EGFLAM: variants seen among roughly 807,000 people sequenced by gnomAD.
EGFLAM encodes the protein pikachurin.
In EGFLAM, 79 loss-of-function variants were observed where a neutral mutation model predicts 113.1. The observed-to-expected ratio is 0.70, with a 90% CI of 0.58 to 0.84. EGFLAM has a LOEUF of 0.84. EGFLAM is among the 40% of genes least tolerant of loss of function. EGFLAM has a pLI of 0.00. For missense variants in EGFLAM, 1,265 were observed against 1,291.6 expected (o/e 0.98, Z 0.32); for synonymous variants, 504 against 487.6 (o/e 1.03, Z -0.44).
At chr5:38,337,368 T>C (rs777937810) in intron 1 of EGFLAM, 152 bp from the exon 2 acceptor site, 20 of 703,990 alleles carry the variant, frequency 2.8e-5, no homozygotes, top group Non-Finnish European at 4.1e-5. Context: ...TCAGCTGAGA[T>C]AGGTGTGGTG....
At chr5:38,298,741 C>T (rs955539518) in intron 1 of EGFLAM, among the ~76,000 whole-genome samples, 2 of 152,024 alleles carry the variant, frequency 1.3e-5, no homozygotes, top group African/African-American at 2.4e-5. Flanking sequence ...CACTCTATCA[C>T]CCAGGCTGGA....
At chr5:38,274,422 T>C (rs73073420) in intron 1 of EGFLAM, among the ~76,000 whole-genome samples, 6,734 of 152,126 alleles carry the variant, frequency 0.044, 479 homozygotes, top group African/African-American at 0.15. Context: ...CTGTCAAAGA[T>C]CAAAGACAAA....
At chr5:38,363,232 T>G (rs898731981) in intron 5 of EGFLAM, among the ~76,000 whole-genome samples, 1 of 152,154 alleles carries the variant, frequency 6.6e-6, no homozygotes, top group African/African-American at 2.4e-5. Flanking sequence ...GAGGCTCTTC[T>G]GAGCATGAGG....
chr5:38,360,761 G>A (rs1050057802), intron 5 of EGFLAM, among the ~76,000 whole-genome samples: 1 of 152,094 alleles, frequency 6.6e-6, no homozygotes, highest in Non-Finnish European at 1.5e-5. Flanking sequence ...CTTACTCGAT[G>A]GGTCTTTTCT....
chr5:38,430,724 A>G (rs998372752), intron 14 of EGFLAM, among the ~76,000 whole-genome samples: 2 of 152,198 alleles, frequency 1.3e-5, no homozygotes, highest in Non-Finnish European at 2.9e-5. Flanking sequence ...CTGGCCTGCC[A>G]TCTGCAAGCT....
chr5:38,298,513 G>C (rs894546514), intron 1 of EGFLAM, among the ~76,000 whole-genome samples: 9 of 152,090 alleles, frequency 5.9e-5, no homozygotes, highest in African/African-American at 2.2e-4. Context: ...AAACTCCTGT[G>C]TTGGGGTTTT....
rs143358104 is a variant in EGFLAM at position 38,464,181 on chromosome 5, G to C, written c.*195G>C. ...GTGGCCTTTCCTGCTGACACTCCAC[G>C]AGCTGACCCAGCAGAATTCTCTGTG... is the stretch of plus-strand genomic sequence containing the variant. On this transcript the variant is annotated 3_prime_UTR_variant, in exon 22 of 22. Coordinates refer to ENST00000322350, the MANE Select transcript of EGFLAM (RefSeq NM_152403.4). The C allele has an allele frequency of 2.1e-3, 1,344 of 638,298 alleles. 13 individuals are homozygous for C. The highest frequency in any genetic ancestry group is 0.019 in the African/African-American group (1,045 of 54,474). The allele number at this position is 638,298 out of a possible 1,614,324, so 39.5% of individuals were successfully genotyped here. A position where few individuals can be genotyped will look rare whatever the true frequency, so the allele number is the denominator to read the frequency against.
chr5:38,426,962 C>T, intron 13 of EGFLAM, 47 bp from the exon 14 acceptor site: 1 of 1,603,570 alleles, frequency 6.2e-7, no homozygotes, highest in Non-Finnish European at 8.5e-7. Flanking sequence ...CACATCTGGC[C>T]AGTTTCTGCC....
At chr5:38,418,732 G>A (rs770888186) in intron 12 of EGFLAM, among the ~76,000 whole-genome samples, 4 of 152,182 alleles carry the variant, frequency 2.6e-5, no homozygotes, top group African/African-American at 9.6e-5. Context: ...TCACACTAAC[G>A]CTAAGAGGTA....
chr5:38,275,474 AAG>A (rs1757863366), intron 1 of EGFLAM, among the ~76,000 whole-genome samples: 1 of 152,226 alleles, frequency 6.6e-6, no homozygotes. Flanking sequence ...AGAGACAAAA[AAG>A]GTCGGTATAT....
At chr5:38,296,343 T>G (rs1758452814) in intron 1 of EGFLAM, among the ~76,000 whole-genome samples, 1 of 152,170 alleles carries the variant, frequency 6.6e-6, no homozygotes, top group South Asian at 2.1e-4. Flanking sequence ...ATCAACTTAC[T>G]GAATATGCAG....
intron 1 of EGFLAM, among the ~76,000 whole-genome samples, chr5:38,275,767 A>G (rs1409937189): frequency 6.6e-6 from 1 of 152,202 alleles, no homozygotes; most frequent in African/African-American, 2.4e-5. Context: ...AGAATACACA[A>G]TTTTCTTAAC....
intron 1 of EGFLAM, among the ~76,000 whole-genome samples, chr5:38,321,780 T>G (rs551208051): frequency 6.6e-6 from 1 of 152,218 alleles, no homozygotes; most frequent in South Asian, 2.1e-4. Context: ...TGAGCCCAGT[T>G]TGTGAAGCAG....
chr5:38,430,877 G>T (rs568569191), intron 14 of EGFLAM, among the ~76,000 whole-genome samples: 1 of 152,304 alleles, frequency 6.6e-6, no homozygotes, highest in East Asian at 1.9e-4. Flanking sequence ...CAAGTCTGAA[G>T]ACCAAAGAAC....
chr5:38,434,377 A>G (rs1742280978), intron 15 of EGFLAM, among the ~76,000 whole-genome samples: 2 of 152,220 alleles, frequency 1.3e-5, no homozygotes. Context: ...CCCTGCTCGC[A>G]TAAACCCCTG....
Position 38,435,172 on chromosome 5 carries a change from T to G in EGFLAM, c.2202T>G (p.Ile734Met), listed in dbSNP as rs1742303450. 6.2e-7 allele frequency: 1 copy of G among 1,614,020 alleles called. No individual in the cohort carries two copies. Among genetic ancestry groups the G allele is most frequent in the Non-Finnish European group, 8.5e-7 (1 of 1,180,016 alleles). The change falls in exon 16 of 22, where the codon ATT becomes ATG. Residue 734 changes from isoleucine to methionine, a missense_variant. Transcript: ENST00000322350. Reference sequence around the variant, plus strand: ...CACAGATTAAGTGCAACACAGACATTTTCATTGGCGGAGTCCCCAATTATG... The same window carrying G: ...CACAGATTAAGTGCAACACAGACATGTTCATTGGCGGAGTCCCCAATTATG... ...GFTQIKCNTD[I>M]FIGGVPNYDD...
chr5:38,293,566 AT>A (rs1758388394), intron 1 of EGFLAM, among the ~76,000 whole-genome samples: 1 of 152,112 alleles, frequency 6.6e-6, no homozygotes, highest in South Asian at 2.1e-4. Context: ...GTGAAAACAT[AT>A]TTTTTCCTTA....
At chr5:38,327,584 C>T (rs1738924041) in intron 1 of EGFLAM, among the ~76,000 whole-genome samples, 1 of 152,104 alleles carries the variant, frequency 6.6e-6, no homozygotes, top group Non-Finnish European at 1.5e-5. Context: ...TCATAATTTG[C>T]CACAGTGTCA....
At chr5:38,407,369 G>T (rs1741324371) in intron 8 of EGFLAM, among the ~76,000 whole-genome samples, 1 of 152,222 alleles carries the variant, frequency 6.6e-6, no homozygotes, top group South Asian at 2.1e-4. Context: ...CAAATGTGTA[G>T]TCCCTTTAAA....
Sources: allele counts gnomAD v4.1 joint callset (sites outside exome capture counted in the v4.1 genomes callset), GRCh38; gene constraint gnomAD v4.1.1; transcripts MANE v1.5; gene names NCBI Gene and HGNC (gene_info 2026-07-23, HGNC 2026-07-21).